Variants in NARS2 observed in about 807,000 individuals in gnomAD.
The protein encoded by NARS2 is asparaginyl-tRNA synthetase.
A neutral mutation model predicts 62.9 loss-of-function variants in NARS2; 60 were observed. The ratio of observed to expected loss-of-function variants is 0.95; its 90% CI spans 0.77 to 1.18. NARS2 has a LOEUF of 1.18. Ranked by LOEUF, NARS2 falls within the 50% of genes most tolerant of loss-of-function variation. The probability of loss-of-function intolerance (pLI) is 0.00; values close to 1 mark genes in which losing one functional copy is unlikely to be tolerated. For missense variants in NARS2, 619 were observed against 576.4 expected (o/e 1.07, Z -0.76); for synonymous variants, 196 against 200.0 (o/e 0.98, Z 0.17).
chr11:78,527,823 C>G (rs753215845), intron 6 of NARS2, among the ~76,000 whole-genome samples: 1 of 152,084 alleles, frequency 6.6e-6, no homozygotes, highest in Non-Finnish European at 1.5e-5. Context: ...CAAATTACCC[C>G]CAGAGGCCAG....
chr11:78,571,280 A>C lies in NARS2; in HGVS notation c.251+55T>G. 3.7e-6 allele frequency: 4 copies of C among 1,086,514 alleles called. No individual in the cohort carries two copies. In the South Asian group the frequency reaches 3.9e-5, roughly 11 times the overall value. The allele number at this position is 1,086,514 out of a possible 1,614,324, so 67.3% of individuals were successfully genotyped here. A position where few individuals can be genotyped will look rare whatever the true frequency, so the allele number is the denominator to read the frequency against. ...TAAACACTGGAGTAGGGAAGTGAGAAGCACTAGAGGTGAAAAACAAAAATC... is the reference window on the plus strand; with the variant it reads ...TAAACACTGGAGTAGGGAAGTGAGACGCACTAGAGGTGAAAAACAAAAATC... On this transcript the variant is annotated intron_variant, in intron 2 of 13. Transcript: ENST00000281038.
In NARS2 at chr11:78,497,241, G is replaced by GCAAAA. The variant is rs1555023813; in HGVS notation, c.690-4047_690-4046insTTTTG. 5.6e-5 allele frequency among the ~76,000 whole-genome samples: 6 copies of GCAAAA among 107,312 alleles called. 1 individual carries two copies. Among genetic ancestry groups the GCAAAA allele is most frequent in the African/African-American group, 7.8e-5 (2 of 25,736 alleles). 70.4% of individuals were successfully genotyped at this position (107,312 alleles called of 152,430 possible). The stretch of plus-strand genomic sequence containing the variant: ...TCTTTGGAAAATAAAAAGCAAAATT[G>GCAAAA]AAAAAAAAAAAAAAAAAAAAGGTTC... On this transcript the variant is annotated intron_variant, in intron 6 of 13. Transcript: ENST00000281038.
chr11:78,518,956 T>C (rs1168776050), intron 6 of NARS2, among the ~76,000 whole-genome samples: 4 of 152,116 alleles, frequency 2.6e-5, no homozygotes, highest in Admixed American at 6.5e-5. Flanking sequence ...TGACCACATA[T>C]GGAAAACGCA....
chr11:78,553,653 T>C (rs936710098), intron 5 of NARS2, among the ~76,000 whole-genome samples: 1 of 152,206 alleles, frequency 6.6e-6, no homozygotes, highest in Non-Finnish European at 1.5e-5. Flanking sequence ...ATCCTGGATA[T>C]TAGACCTTTA....
chr11:78,497,388 G>A (rs1012312090), intron 6 of NARS2, among the ~76,000 whole-genome samples: 5 of 152,122 alleles, frequency 3.3e-5, no homozygotes, highest in African/African-American at 1.2e-4. Flanking sequence ...AAATTTCACA[G>A]TGAATCTTAA....
At chr11:78,525,983 A>G (rs570022348) in intron 6 of NARS2, among the ~76,000 whole-genome samples, 4 of 152,290 alleles carry the variant, frequency 2.6e-5, no homozygotes, top group Admixed American at 2.6e-4. Context: ...AAAAATTGAG[A>G]AACTGTAATA....
At chr11:78,559,217 C>T (rs1041206277) in intron 5 of NARS2, among the ~76,000 whole-genome samples, 4 of 134,542 alleles carry the variant, frequency 3.0e-5, no homozygotes, top group African/African-American at 8.0e-5. Flanking sequence ...GCAGGAGAAT[C>T]GCTTGAACCC....
chr11:78,574,854 C>A lies in NARS2; in HGVS notation c.-366G>T. On this transcript the variant is annotated 5_prime_UTR_variant, in exon 1 of 14. An upstream start codon of the reference 5' UTR is lost. Coordinates refer to ENST00000281038, the MANE Select transcript of NARS2 (RefSeq NM_024678.6). ...CACACCACGCCAACGCCGCTTACGT[C>A]ATCACGCTACGGGGAAGAAGGGAGA... 1 of 223,348 alleles carries A rather than the reference C, an allele frequency of 4.5e-6. No homozygotes were observed. The highest frequency in any genetic ancestry group is 1.2e-4 in the East Asian group (1 of 8,470). The allele number at this position is 223,348 out of a possible 1,614,324, so 13.8% of individuals were successfully genotyped here. A position where few individuals can be genotyped will look rare whatever the true frequency, so the allele number is the denominator to read the frequency against.
chr11:78,551,974 C>T (rs967476011), intron 5 of NARS2, among the ~76,000 whole-genome samples: 3 of 152,166 alleles, frequency 2.0e-5, no homozygotes, highest in Non-Finnish European at 2.9e-5. Context: ...TGTATCTCTC[C>T]ACCCAGAGTC....
At chr11:78,504,628 G>T (rs964253300) in intron 6 of NARS2, among the ~76,000 whole-genome samples, 2 of 152,060 alleles carry the variant, frequency 1.3e-5, no homozygotes, top group East Asian at 3.9e-4. Flanking sequence ...AAGGAGCAAA[G>T]ATAAAATTTC....
chr11:78,466,035 G>T, intron 10 of NARS2, 22 bp from the exon 11 acceptor site: 1 of 1,563,096 alleles, frequency 6.4e-7, no homozygotes, highest in South Asian at 1.2e-5. Context: ...AGAAAGAAAT[G>T]ACCAAAAGAG....
At chr11:78,483,230 A>G (rs1049091869) in intron 7 of NARS2, among the ~76,000 whole-genome samples, 43 of 152,230 alleles carry the variant, frequency 2.8e-4, no homozygotes, top group Middle Eastern at 3.4e-3. Flanking sequence ...GGTATTGATG[A>G]AACATATCTC....
intron 11 of NARS2, among the ~76,000 whole-genome samples, chr11:78,459,331 T>C (rs1279749939): frequency 6.6e-6 from 1 of 151,002 alleles, no homozygotes; most frequent in Non-Finnish European, 1.5e-5. Context: ...AGTACAATGA[T>C]GCAATCTCGG....
chr11:78,443,856 A>G, intron 11 of NARS2, 98 bp from the exon 12 acceptor site: 1 of 758,144 alleles, frequency 1.3e-6, no homozygotes, highest in Non-Finnish European at 2.2e-6. Context: ...GCAATGGCTA[A>G]TTAACTACCT....
chr11:78,512,178 T>C (rs896843910), intron 6 of NARS2, among the ~76,000 whole-genome samples: 2 of 152,228 alleles, frequency 1.3e-5, no homozygotes, highest in Non-Finnish European at 2.9e-5. Flanking sequence ...TTAATTGATT[T>C]CTCTGTCTTA....
At chr11:78,497,286 C>T (rs1187635379) in intron 6 of NARS2, among the ~76,000 whole-genome samples, 3 of 151,068 alleles carry the variant, frequency 2.0e-5, no homozygotes, top group African/African-American at 2.4e-5. Context: ...CACTTTCTCC[C>T]GTGTATGGAG....
chr11:78,534,261 G>A (rs1416496060), intron 5 of NARS2, among the ~76,000 whole-genome samples: 1 of 152,140 alleles, frequency 6.6e-6, no homozygotes, highest in African/African-American at 2.4e-5. Context: ...TGTTAAATCT[G>A]CTGCTCCACA....
intron 11 of NARS2, among the ~76,000 whole-genome samples, chr11:78,445,395 C>T (rs1017622699): frequency 3.9e-5 from 6 of 152,114 alleles, no homozygotes; most frequent in Admixed American, 2.0e-4. Context: ...CCGAGGTGGG[C>T]GGATCACCTG....
At position 78,501,149 on chromosome 11, in the gene NARS2, A is replaced by G. The variant is rs1271094959; in HGVS notation, c.690-7954T>C. 3.3e-5 allele frequency among the ~76,000 whole-genome samples: 5 copies of G among 152,348 alleles called. No homozygotes were observed. In the East Asian group the frequency reaches 5.8e-4, roughly 18 times the overall value. On this transcript the variant is annotated intron_variant, in intron 6 of 13. Coordinates refer to ENST00000281038, the MANE Select transcript of NARS2 (RefSeq NM_024678.6). ...ATGACAAGTCCATTATGTGTTACAA[A>G]TAACATATTTTTTATGAAACATAAT...
Sources: allele counts gnomAD v4.1 joint callset (sites outside exome capture counted in the v4.1 genomes callset), GRCh38; gene constraint gnomAD v4.1.1; transcripts MANE v1.5; gene names NCBI Gene and HGNC (gene_info 2026-07-23, HGNC 2026-07-21).